GRAMD1B: variants seen among roughly 807,000 people sequenced by gnomAD.
The protein encoded by GRAMD1B is protein Aster-B.
In GRAMD1B, 37 loss-of-function variants were observed where a neutral mutation model predicts 99.7. The observed-to-expected ratio is 0.37, with a 90% confidence interval of 0.29 to 0.49. GRAMD1B has a LOEUF of 0.49. Ranked by LOEUF, GRAMD1B falls within the 20% of genes least tolerant of loss-of-function variation. GRAMD1B has a pLI of 0.98. For missense variants in GRAMD1B, 888 were observed against 1,009.2 expected, an observed-to-expected ratio of 0.88 and a Z score of 1.63; for synonymous variants, 427 against 387.6, an observed-to-expected ratio of 1.10 and a Z score of -1.19.
chr11:123,588,852 T>C (rs1375136458), intron 4 of GRAMD1B, among the ~76,000 whole-genome samples: 1 of 152,156 alleles, frequency 6.6e-6, no homozygotes, highest in East Asian at 1.9e-4. Flanking sequence ...TTATCCAAAA[T>C]GTTTGGGATC....
In GRAMD1B at chr11:123,545,791, T is replaced by A. The variant is rs141339902; in HGVS notation, c.453-31576T>A. Among the ~76,000 whole-genome samples, 688 of 152,290 alleles carry A rather than the reference T, an allele frequency of 4.5e-3. 8 individuals carry two copies. The highest frequency in any genetic ancestry group is 0.014 in the African/African-American group (590 of 41,550). On this transcript the variant is annotated intron_variant, in intron 2 of 19. Transcript: ENST00000635736. ...ACTAACTGGTCATCTAAGTTGGAGA[T>A]CACAATTTGAATAATCTCTTATCAG...
intron 16 of GRAMD1B, 103 bp downstream of exon 16, chr11:123,613,761 T>C (rs1256627848): frequency 2.8e-5 from 21 of 751,050 alleles, no homozygotes; most frequent in Middle Eastern, 3.8e-4. Flanking sequence ...ACCTTGGCTA[T>C]AATTTGTATA....
chr11:123,512,465 C>G (rs1941125460), intron 2 of GRAMD1B, among the ~76,000 whole-genome samples: 1 of 152,152 alleles, frequency 6.6e-6, no homozygotes, highest in Non-Finnish European at 1.5e-5. Context: ...TTTACTTAGG[C>G]CCTTGCTGTC....
chr11:123,525,410 C>T (rs1175740381), intron 2 of GRAMD1B, among the ~76,000 whole-genome samples: 3 of 152,114 alleles, frequency 2.0e-5, no homozygotes, highest in African/African-American at 4.8e-5. Context: ...ACCTAGGGTC[C>T]AGGTTCCCCT....
rs925692224 is a variant in GRAMD1B, at chr11:123,430,471, A to G, written c.-322A>G. On this transcript the variant is annotated 5_prime_UTR_variant, in exon 1 of 20. Coordinates refer to ENST00000635736, the MANE Select transcript of GRAMD1B (RefSeq NM_001387025.1). ...GCCAGCAAGCGAGGAAGCGCAGCGG[A>G]AGAAAAACAAGCGGGCGCGCGAGGG... 14 of 343,528 alleles carry G rather than the reference A, an allele frequency of 4.1e-5. No individual in the cohort carries two copies. The highest frequency in any genetic ancestry group is 6.8e-5 in the Non-Finnish European group (13 of 190,188). The allele number at this position is 343,528 out of a possible 1,614,324, so 21.3% of individuals were successfully genotyped here.
In GRAMD1B at chr11:123,612,869, G is replaced by A. The variant is rs1300416117; in HGVS notation, c.2023+5G>A. The stretch of plus-strand genomic sequence containing the variant: ...AGGACTACTTCCGCCATTTAGGTGA[G>A]CACTGCAATCCTTGCTGCTAGCTGG... On this transcript the variant is annotated splice_donor_5th_base_variant and intron_variant, in intron 15 of 19. Transcript: ENST00000635736. 10 of 1,535,996 alleles carry A rather than the reference G, an allele frequency of 6.5e-6. No homozygotes were observed. Among genetic ancestry groups the A allele is most frequent in the Non-Finnish European group, 9.0e-6 (10 of 1,110,112 alleles).
At chr11:123,435,809 A>C in intron 1 of GRAMD1B, 1 of 212,062 alleles carries the variant, frequency 4.7e-6, no homozygotes, top group African/African-American at 2.3e-5. Context: ...ATTGAGATAT[A>C]ATTTATATAA....
chr11:123,596,474 G>A (rs1448266258), intron 7 of GRAMD1B, among the ~76,000 whole-genome samples: 2 of 152,218 alleles, frequency 1.3e-5, no homozygotes, highest in African/African-American at 4.8e-5. Context: ...AGAGGATGGG[G>A]AGTCTGATAG....
At chr11:123,381,397 G>A (rs1223222481) in intron 1 of GRAMD1B, 1 of 154,318 alleles carries the variant, frequency 6.5e-6, no homozygotes, top group Non-Finnish European at 1.5e-5. Flanking sequence ...TCCTGGTTAG[G>A]AGAGCTGGGT....
chr11:123,549,147 A>G (rs1244491966), intron 2 of GRAMD1B, among the ~76,000 whole-genome samples: 1 of 152,198 alleles, frequency 6.6e-6, no homozygotes, highest in Non-Finnish European at 1.5e-5. Flanking sequence ...TGCTGGTCCC[A>G]TTGGCTGTGG....
intron 2 of GRAMD1B, among the ~76,000 whole-genome samples, chr11:123,494,979 G>A (rs899055681): frequency 3.3e-5 from 5 of 152,060 alleles, no homozygotes; most frequent in African/African-American, 1.2e-4. Context: ...ATGTAAGCTC[G>A]GGAGAGCTCT....
Position 123,360,768 on chromosome 11 carries a change from TTTCCTTCCTTCCTTCCTTCCTTCCTTCC to T in GRAMD1B, c.-176+2010_-176+2037del, listed in dbSNP as rs35477196. On this transcript the variant is annotated intron_variant, in intron 1 of 20. Coordinates refer to the GRAMD1B transcript ENST00000638157. The stretch of plus-strand genomic sequence containing the variant: ...CCTTCTTTCCTTCCTTCCTTCCTTC[TTTCCTTCCTTCCTTCCTTCCTTCCTTCC>T]TTCCTTCCTTCCTTCCTTCCTTCCT... 1.7e-3 allele frequency among the ~76,000 whole-genome samples: 121 copies of T among 70,298 alleles called. 1 individual carries two copies. The highest frequency in any genetic ancestry group is 5.5e-3 in the African/African-American group (102 of 18,638). The allele number at this position is 70,298 out of a possible 152,430, so 46.1% of individuals were successfully genotyped here.
upstream of GRAMD1B, among the ~76,000 whole-genome samples, chr11:123,426,688 C>T (rs573727903): frequency 2.6e-5 from 4 of 152,280 alleles, no homozygotes; most frequent in Middle Eastern, 3.4e-3. Context: ...TGTGGGGAGA[C>T]ATTCCTGTGT....
At chr11:123,548,443 G>A (rs1258908147) in intron 2 of GRAMD1B, among the ~76,000 whole-genome samples, 1 of 150,950 alleles carries the variant, frequency 6.6e-6, no homozygotes, top group African/African-American at 2.4e-5. Context: ...CAGAAAGCCA[G>A]GCAACAGACA....
At chr11:123,545,052 AC>A (rs1944921375) in intron 2 of GRAMD1B, among the ~76,000 whole-genome samples, 4 of 151,612 alleles carry the variant, frequency 2.6e-5, no homozygotes, top group African/African-American at 7.3e-5. Context: ...TTGGTCACAT[AC>A]CCTCCCCTCC....
At position 123,430,655 on chromosome 11, in the gene GRAMD1B, C is replaced by G. The variant is rs1948831494; in HGVS notation, c.-138C>G. ...CCCCTCGCGTCCCTTCCTCGCTGCG[C>G]TCCGGGAAAGGAACTTGTTCCTTCG... On this transcript the variant is annotated 5_prime_UTR_variant, in exon 1 of 20. Transcript: ENST00000635736. 1 of 509,222 alleles carries G rather than the reference C, an allele frequency of 2.0e-6. No homozygotes were observed. The highest frequency in any genetic ancestry group is 4.1e-5 in the Admixed American group (1 of 24,666). 31.5% of individuals were successfully genotyped at this position (509,222 alleles called of 1,614,324 possible).
intron 2 of GRAMD1B, among the ~76,000 whole-genome samples, chr11:123,487,558 G>T (rs1303552360): frequency 6.6e-6 from 1 of 152,194 alleles, no homozygotes; most frequent in Non-Finnish European, 1.5e-5. Context: ...TAAGGAGTGA[G>T]TATTCTTTAT....
At chr11:123,619,876 A>T (rs1025315043) in intron 19 of GRAMD1B, among the ~76,000 whole-genome samples, 3 of 152,202 alleles carry the variant, frequency 2.0e-5, no homozygotes, top group Non-Finnish European at 4.4e-5. Context: ...AGAGAGCAGG[A>T]ATCTGCCTTT....
At chr11:123,606,378 C>G (rs1464134953) in intron 10 of GRAMD1B, among the ~76,000 whole-genome samples, 1 of 152,198 alleles carries the variant, frequency 6.6e-6, no homozygotes, top group African/African-American at 2.4e-5. Context: ...ATTTGGGGAG[C>G]TTGTTGTGCT....
Sources: allele counts gnomAD v4.1 joint callset (sites outside exome capture counted in the v4.1 genomes callset), GRCh38; gene constraint gnomAD v4.1.1; transcripts MANE v1.5; gene names NCBI Gene and HGNC (gene_info 2026-07-23, HGNC 2026-07-21).